Variants in STAG1 observed in about 807,000 individuals in gnomAD.
STAG1 encodes the protein cohesin subunit SA-1.
A neutral mutation model predicts 170.9 loss-of-function variants in STAG1; 26 were observed. The ratio of observed to expected loss-of-function variants is 0.15; its 90% confidence interval spans 0.11 to 0.21. The LOEUF is 0.21. Ranked by LOEUF, STAG1 falls within the 10% of genes least tolerant of loss-of-function variation. The pLI is 1.00. For missense variants in STAG1, 964 were observed against 1,509.5 expected, an observed-to-expected ratio of 0.64 and a Z score of 5.99; for synonymous variants, 514 against 497.7, an observed-to-expected ratio of 1.03 and a Z score of -0.44.
chr3:136,695,883 C>T (rs1298032284), intron 1 of STAG1, among the ~76,000 whole-genome samples: 1 of 152,052 alleles, frequency 6.6e-6, no homozygotes, highest in Non-Finnish European at 1.5e-5. Flanking sequence ...GATGGGGAGG[C>T]CACTAAACCC....
intron 9 of STAG1, among the ~76,000 whole-genome samples, chr3:136,491,219 G>GCAGT (rs1234354325): frequency 6.6e-6 from 1 of 152,140 alleles, no homozygotes; most frequent in East Asian, 1.9e-4. Context: ...CTGGGCTCAA[G>GCAGT]CAGTCTTACC....
intron 1 of STAG1, among the ~76,000 whole-genome samples, chr3:136,714,756 T>A (rs1305264674): frequency 2.7e-5 from 4 of 147,506 alleles, no homozygotes; most frequent in South Asian, 2.1e-4. Context: ...ATAAATAAAA[T>A]AAATTAGCTG....
intron 6 of STAG1, among the ~76,000 whole-genome samples, chr3:136,535,992 C>T (rs560207010): frequency 9.7e-4 from 147 of 152,094 alleles, no homozygotes; most frequent in Non-Finnish European, 1.8e-3. Flanking sequence ...CAATTTTGTA[C>T]GAGTTTTAAA....
intron 11 of STAG1, 100 bp from the exon 12 acceptor site, chr3:136,472,592 A>G: frequency 1.4e-6 from 1 of 721,610 alleles, no homozygotes; most frequent in South Asian, 2.2e-5. Flanking sequence ...AATACTAATG[A>G]TAGGTTAAAT....
intron 4 of STAG1, among the ~76,000 whole-genome samples, chr3:136,584,586 T>C (rs1044396193): frequency 6.6e-6 from 1 of 152,148 alleles, no homozygotes; most frequent in Non-Finnish European, 1.5e-5. Context: ...GTGTTCTCTA[T>C]CCTAATTTGA....
chr3:136,366,411 A>T (rs981907470), intron 25 of STAG1, among the ~76,000 whole-genome samples: 3 of 152,142 alleles, frequency 2.0e-5, no homozygotes, highest in Non-Finnish European at 4.4e-5. Context: ...TAGTGCAGAA[A>T]TCATGTCTTA....
intron 1 of STAG1, among the ~76,000 whole-genome samples, chr3:136,651,359 C>T (rs1474884018): frequency 1.4e-5 from 2 of 141,188 alleles, no homozygotes; most frequent in Non-Finnish European, 3.0e-5. Flanking sequence ...GAGCAAGACC[C>T]TATCTCACCA....
intron 26 of STAG1, among the ~76,000 whole-genome samples, chr3:136,360,947 C>A (rs1164924859): frequency 6.6e-6 from 1 of 152,136 alleles, no homozygotes; most frequent in Non-Finnish European, 1.5e-5. Flanking sequence ...GGATTACAGG[C>A]TGTTTATAAA....
chr3:136,521,456 T>G (rs374860556), intron 6 of STAG1, 39 bp from the exon 7 acceptor site: 21 of 1,580,030 alleles, frequency 1.3e-5, no homozygotes, highest in Admixed American at 8.6e-5. Context: ...TATGTCACAT[T>G]ACAGAGTTTG....
chr3:136,498,208 AATTATATATATATATATATATATATACAC>A (rs1193112127), intron 9 of STAG1, among the ~76,000 whole-genome samples: 1 of 34,052 alleles, frequency 2.9e-5, no homozygotes, highest in Non-Finnish European at 6.0e-5. Flanking sequence ...AAAAAAAAAA[AATTATATATATATATATATATATATACAC>A]ATACATATAC....
intron 1 of STAG1, among the ~76,000 whole-genome samples, chr3:136,733,316 G>A (rs1934149784): frequency 6.6e-6 from 1 of 151,790 alleles, no homozygotes; most frequent in Admixed American, 6.6e-5. Flanking sequence ...AAACTTCTGA[G>A]CTCAAATGAT....
At chr3:136,625,975 C>T (rs2107833886) in intron 2 of STAG1, among the ~76,000 whole-genome samples, 1 of 152,252 alleles carries the variant, frequency 6.6e-6, no homozygotes, top group South Asian at 2.1e-4. Context: ...ATCGCTTGAA[C>T]CCGGGAGATG....
At chr3:136,357,314 T>C in intron 28 of STAG1, among the ~76,000 whole-genome samples, 1 of 152,104 alleles carries the variant, frequency 6.6e-6, no homozygotes, top group East Asian at 1.9e-4. Flanking sequence ...AAATTACATA[T>C]ATATTTCTTT....
chr3:136,338,346 AAGC>A (rs749528012), intron 33 of STAG1, 21 bp downstream of exon 33: 24 of 1,598,186 alleles, frequency 1.5e-5, no homozygotes, highest in African/African-American at 2.7e-5. Flanking sequence ...CATAAATAAA[AAGC>A]AGTAATAATT....
At chr3:136,510,124 T>C (rs1933973729) in intron 7 of STAG1, among the ~76,000 whole-genome samples, 1 of 152,120 alleles carries the variant, frequency 6.6e-6, no homozygotes, top group African/African-American at 2.4e-5. Context: ...TCAATCCCAT[T>C]ACTGGGTATA....
chr3:136,516,085 T>A, intron 7 of STAG1, among the ~76,000 whole-genome samples: 1 of 152,208 alleles, frequency 6.6e-6, no homozygotes, highest in East Asian at 1.9e-4. Context: ...CATGGTCTAT[T>A]CTTTGATAAT....
intron 1 of STAG1, among the ~76,000 whole-genome samples, chr3:136,726,647 G>A (rs1933705136): frequency 6.6e-6 from 1 of 152,168 alleles, no homozygotes; most frequent in African/African-American, 2.4e-5. Flanking sequence ...TGGTCTCAAA[G>A]TCCTGGCCTC....
In STAG1 at chr3:136,623,165, C is replaced by A. The variant is rs1939941417; in HGVS notation, c.113G>T (p.Gly38Val). 6.2e-7 allele frequency: 1 copy of A among 1,613,616 alleles called. No homozygotes were observed. The highest frequency in any genetic ancestry group is 8.5e-7 in the Non-Finnish European group (1 of 1,179,688). The change falls in exon 3 of 34, where the codon GGT becomes GTT. Residue 38 changes from glycine to valine, a missense_variant. Around this residue, in one of 11 missense-constraint regions of STAG1, gnomAD observed 108 missense variants for 120.2 expected, o/e 0.90. Coordinates refer to ENST00000383202, the MANE Select transcript of STAG1 (RefSeq NM_005862.3). ...ACATACTGGAGGCCGGCCAGGACGACCCCTTTTTCTTTTTCCTTTGACCTC... is the reference window on the plus strand; with the variant it reads ...ACATACTGGAGGCCGGCCAGGACGAACCCTTTTTCTTTTTCCTTTGACCTC... The part of the protein sequence containing the change: ...ETEVKGKRKR[G>V]RPGRPPSTNK...
chr3:136,699,565 TA>T (rs1942988730), intron 1 of STAG1, among the ~76,000 whole-genome samples: 1 of 151,766 alleles, frequency 6.6e-6, no homozygotes, highest in Non-Finnish European at 1.5e-5. Context: ...TTTTTTTTTT[TA>T]TGGTAGATGG....
Sources: allele counts gnomAD v4.1 joint callset (sites outside exome capture counted in the v4.1 genomes callset), GRCh38; gene constraint gnomAD v4.1.1; regional missense constraint gnomAD v4.1.1; transcripts MANE v1.5; gene names NCBI Gene and HGNC (gene_info 2026-07-23, HGNC 2026-07-21).